The following ZNF10 variants were observed in gnomAD, a reference collection of about 807,000 sequenced individuals.
The protein encoded by ZNF10 is zinc finger protein 10, also known as zinc finger protein 10 (KOX 1).
In ZNF10, 8 loss-of-function variants were observed where a neutral mutation model predicts 12.2. That is an observed-to-expected ratio of 0.66 (90% CI 0.39 to 1.18). The LOEUF (loss-of-function observed/expected upper bound fraction) is 1.18, where lower values mean the gene tolerates loss of function less well. Ranked by LOEUF, ZNF10 falls within the 50% of genes most tolerant of loss-of-function variation. ZNF10 has a pLI of 0.01. For missense variants in ZNF10, 603 were observed against 678.9 expected, an observed-to-expected ratio of 0.89 and a Z score of 1.24; for synonymous variants, 229 against 228.2, an observed-to-expected ratio of 1.00 and a Z score of -0.03.
chr12:133,156,768 C>G lies in ZNF10; in HGVS notation c.1522C>G (p.Gln508Glu). The change falls in exon 5 of 5, where the codon CAG becomes GAG. Residue 508 changes from glutamine to glutamate, a missense_variant. Coordinates refer to ENST00000248211, the MANE Select transcript of ZNF10 (RefSeq NM_015394.5). ...CCGGAAGAATGACCTCATTAAGCAC[C>G]AGAGAATTCATGTTGGAGAAGAGAC... ...FIRKNDLIKH[Q>E]RIHVGEETYK... 1 of 1,592,584 alleles carries G rather than the reference C, an allele frequency of 6.3e-7. No individual in the cohort carries two copies. Among genetic ancestry groups the G allele is most frequent in the Middle Eastern group, 1.7e-4 (1 of 5,956 alleles).
intron 2 of ZNF10, among the ~76,000 whole-genome samples, chr12:133,146,872 A>G (rs988398373): frequency 3.3e-5 from 5 of 151,822 alleles, no homozygotes; most frequent in African/African-American, 1.2e-4. Flanking sequence ...ACCAAGATAC[A>G]GGGCAAACCC....
rs544274831 is a variant in ZNF10, at chr12:133,159,309, G to T, written c.*2341G>T. On this transcript the variant is annotated 3_prime_UTR_variant, in exon 5 of 5. Transcript: ENST00000248211. ...CTAGCATAATATTTGTGGCATATCC[G>T]TGTAATGGAAGATTATGCAGGCATT... 6.6e-6 allele frequency: 1 copy of T among 152,176 alleles called. No individual in the cohort carries two copies. Among genetic ancestry groups the T allele is most frequent in the Admixed American group, 6.5e-5 (1 of 15,280 alleles). The allele number at this position is 152,176 out of a possible 1,614,324, so 9.4% of individuals were successfully genotyped here.
Position 133,144,507 on chromosome 12 carries a change from A to G in ZNF10, c.15A>G (p.Ser5=), listed in dbSNP as rs760747483. ...ACAAGGAGGGCATGGATGCTAAGTC[A>G]CTAACTGCCTGGTCCCGGGTAAGCT... MDAK[S]LTAWSRTLVT... is the part of the protein sequence containing the mutation. Residue 5 remains serine (S), a synonymous_variant, in exon 2 of 5, where the codon TCA becomes TCG. Coordinates refer to ENST00000248211, the MANE Select transcript of ZNF10 (RefSeq NM_015394.5). 2 of 1,613,926 alleles carry G rather than the reference A, an allele frequency of 1.2e-6. No individual in the cohort carries two copies. The highest frequency in any genetic ancestry group is 1.3e-5 in the African/African-American group (1 of 74,930).
intron 1 of ZNF10, among the ~76,000 whole-genome samples, chr12:133,141,942 A>G (rs183395011): frequency 4.6e-5 from 7 of 152,330 alleles, no homozygotes; most frequent in African/African-American, 1.7e-4. Flanking sequence ...AGCCAGAAGG[A>G]AAATACATGC....
chr12:133,135,920 C>A (rs1186447100), intron 1 of ZNF10, among the ~76,000 whole-genome samples: 1 of 152,228 alleles, frequency 6.6e-6, no homozygotes, highest in African/African-American at 2.4e-5. Flanking sequence ...CTCTCCGTAA[C>A]CTCAGCTTAT....
At chr12:133,135,828 GCA>G (rs1220297478) in intron 1 of ZNF10, among the ~76,000 whole-genome samples, 1 of 152,202 alleles carries the variant, frequency 6.6e-6, no homozygotes, top group African/African-American at 2.4e-5. Context: ...CCAGAACACT[GCA>G]CAGTTTGCCT....
chr12:133,145,625 A>G (rs933205220), intron 2 of ZNF10, among the ~76,000 whole-genome samples: 4 of 151,372 alleles, frequency 2.6e-5, no homozygotes, highest in Admixed American at 6.6e-5. Context: ...CACGGCCAAC[A>G]TGGTAAGACC....
rs780438799 is a variant in ZNF10 at position 133,156,741 on chromosome 12, A to T, written c.1495A>T (p.Ile499Phe). 6.2e-7 allele frequency: 1 copy of T among 1,608,800 alleles called. No homozygotes were observed. Among genetic ancestry groups the T allele is most frequent in the Admixed American group, 1.7e-5 (1 of 58,744 alleles). The change falls in exon 5 of 5, where the codon ATC becomes TTC. Residue 499 changes from isoleucine to phenylalanine, a missense_variant. Coordinates refer to ENST00000248211, the MANE Select transcript of ZNF10 (RefSeq NM_015394.5). ...YECCQCGKAF[I>F]RKNDLIKHQR... ...ATGCTGTCAGTGTGGGAAAGCCTTCATCCGGAAGAATGACCTCATTAAGCA... is the reference window on the plus strand; with the variant it reads ...ATGCTGTCAGTGTGGGAAAGCCTTCTTCCGGAAGAATGACCTCATTAAGCA...
chr12:133,151,328 T>C (rs1956006104), intron 3 of ZNF10, among the ~76,000 whole-genome samples, 174 bp downstream of exon 3: 1 of 152,138 alleles, frequency 6.6e-6, no homozygotes, highest in Non-Finnish European at 1.5e-5. Context: ...TTTTAATGTA[T>C]TGAAGTTTTA....
rs1214660436 is a variant in ZNF10 at position 133,159,124 on chromosome 12, A to C, written c.*2156A>C. The C allele has an allele frequency of 6.6e-6, 1 of 152,284 alleles. No individual in the cohort carries two copies. 9.4% of individuals were successfully genotyped at this position (152,284 alleles called of 1,614,324 possible). A position where few individuals can be genotyped will look rare whatever the true frequency, so the allele number is the denominator to read the frequency against. On this transcript the variant is annotated 3_prime_UTR_variant, in exon 5 of 5. Coordinates refer to ENST00000248211, the MANE Select transcript of ZNF10 (RefSeq NM_015394.5). Reference sequence around the variant, plus strand: ...CATGTGGATTGAGATGATATGTATGAATCACATAAAAGAGTGCCTGGCACA... The same window carrying C: ...CATGTGGATTGAGATGATATGTATGCATCACATAAAAGAGTGCCTGGCACA...
intron 1 of ZNF10, chr12:133,143,709 C>T (rs1161275348): frequency 6.6e-6 from 1 of 152,204 alleles, no homozygotes; most frequent in Non-Finnish European, 1.5e-5. Context: ...GTAGCATATA[C>T]CACAAACTTG....
intron 4 of ZNF10, 145 bp from the exon 5 acceptor site, chr12:133,155,358 C>A: frequency 3.3e-6 from 3 of 909,816 alleles, no homozygotes; most frequent in Non-Finnish European, 3.2e-6. Context: ...CCGCTCCATT[C>A]TTCCTTTTCT....
chr12:133,134,019 C>T (rs1029064750), intron 1 of ZNF10, among the ~76,000 whole-genome samples: 1 of 151,970 alleles, frequency 6.6e-6, no homozygotes, highest in Non-Finnish European at 1.5e-5. Context: ...AGCTGGGTGG[C>T]CGGGCACGGT....
intron 2 of ZNF10, among the ~76,000 whole-genome samples, chr12:133,150,409 T>C (rs747088529): frequency 3.3e-5 from 5 of 152,224 alleles, no homozygotes; most frequent in Non-Finnish European, 7.3e-5. Context: ...TTCTGACCTT[T>C]ATGGTCTTTG....
intron 1 of ZNF10, chr12:133,139,351 A>T (rs1955931083): frequency 6.6e-6 from 1 of 152,264 alleles, no homozygotes; most frequent in African/African-American, 2.4e-5. Flanking sequence ...AATAGCATAG[A>T]TAAAGATGTT....
At chr12:133,152,352 T>C (rs964607975) in intron 4 of ZNF10, among the ~76,000 whole-genome samples, 33 of 152,264 alleles carry the variant, frequency 2.2e-4, no homozygotes, top group African/African-American at 7.2e-4. Context: ...TCCTGTTGCC[T>C]CAACTCTCCT....
rs762463697 is a variant in ZNF10, at chr12:133,156,884, A to G, written c.1638A>G (p.Thr546=). 7.2e-6 allele frequency: 11 copies of G among 1,517,744 alleles called. No homozygotes were observed. Among genetic ancestry groups the G allele is most frequent in the Middle Eastern group, 3.6e-4 (2 of 5,592 alleles). The allele number at this position is 1,517,744 out of a possible 1,614,324, so 94.0% of individuals were successfully genotyped here. Residue 546 remains threonine, a synonymous_variant, in exon 5 of 5, where the codon ACA becomes ACG. Coordinates refer to ENST00000248211, the MANE Select transcript of ZNF10 (RefSeq NM_015394.5). ...CTCACACTGGAGAGCAGTTCTTAAC[A>G]TGCAATCAATGTGGGACAGCGCTTG... The part of the protein sequence containing the change: ...QIAHTGEQFL[T]CNQCGTALVN...
chr12:133,134,049 A>G (rs1955896400), intron 1 of ZNF10, among the ~76,000 whole-genome samples: 1 of 151,946 alleles, frequency 6.6e-6, no homozygotes, highest in African/African-American at 2.4e-5. Flanking sequence ...CTGTAATCCC[A>G]GCACTTTGGG....
intron 4 of ZNF10, among the ~76,000 whole-genome samples, chr12:133,154,569 C>A (rs541723386): frequency 1.3e-5 from 2 of 152,154 alleles, no homozygotes. Flanking sequence ...AAAATGAATT[C>A]TTCAAAGTTT....
Sources: gnomAD v4.1 joint callset for allele counts (sites outside exome capture counted in the v4.1 genomes callset) on GRCh38, gnomAD v4.1.1 for gene constraint, MANE v1.5 for transcripts, NCBI Gene and HGNC (gene_info 2026-07-23, HGNC 2026-07-21) for gene names.